The following GMPR2 variants were observed in gnomAD, a reference collection of about 807,000 sequenced individuals.
GMPR2 encodes the protein guanosine monophosphate reductase 2.
A neutral mutation model predicts 38.5 loss-of-function variants in GMPR2; 32 were observed. That is an observed-to-expected ratio of 0.83 (90% CI 0.63 to 1.12). GMPR2 has a LOEUF of 1.12. Ranked by LOEUF, GMPR2 falls within the 50% of genes most tolerant of loss-of-function variation. The pLI, the probability that GMPR2 is intolerant of heterozygous loss-of-function variation, is 0.00. For synonymous variants in GMPR2, 154 were observed against 151.0 expected (o/e 1.02, Z -0.15); for missense variants, 396 against 432.1 (o/e 0.92, Z 0.74).
intron 7 of GMPR2, 37 bp downstream of exon 7, chr14:24,237,388 T>G: frequency 6.7e-7 from 1 of 1,501,012 alleles, no homozygotes; most frequent in Non-Finnish European, 9.3e-7. Context: ...TGAGCGGGGT[T>G]TCTGCAGGGT....
rs750745089 is a variant in GMPR2 at position 24,233,469 on chromosome 14, A to C, written c.88-10A>C. 1 of 1,613,104 alleles carries C rather than the reference A, an allele frequency of 6.2e-7. No homozygotes were observed. Among genetic ancestry groups the C allele is most frequent in the South Asian group, 1.1e-5 (1 of 91,024 alleles). On this transcript the variant is annotated splice_polypyrimidine_tract_variant and intron_variant, in intron 2 of 9. Transcript: ENST00000399440. The stretch of plus-strand genomic sequence containing the variant: ...TAATGAAATGGTCAATTTCCTGTTC[A>C]TATCTGCAGGTGGATCTCACAAGAT...
At chr14:24,236,218 T>C in intron 5 of GMPR2, 78 bp downstream of exon 5, 1 of 981,018 alleles carries the variant, frequency 1.0e-6, no homozygotes, top group Admixed American at 1.9e-5. Context: ...AGTCCATTTC[T>C]CCTCTGCTGC....
chr14:24,237,251 T>C lies in GMPR2; in HGVS notation c.554T>C (p.Val185Ala), dbSNP rs2040390283. The C allele has an allele frequency of 1.9e-6, 3 of 1,602,792 alleles. No individual in the cohort carries two copies. Among genetic ancestry groups the C allele is most frequent in the Non-Finnish European group, 2.6e-6 (3 of 1,169,718 alleles). The part of the protein sequence containing the change: ...IIKVGIGPGS[V>A]CTTRKKTGVG... ...CTTATCATGTTCTTCCTAGGCTCTG[T>C]GTGTACTACTCGGAAGAAAACTGGA... Residue 185 changes from valine to alanine, a missense_variant, in exon 7 of 10, where the codon GTG becomes GCG. Coordinates refer to ENST00000399440, the MANE Select transcript of GMPR2 (RefSeq NM_001002002.3).
Position 24,234,176 on chromosome 14 carries a change from A to T in GMPR2, c.207+578A>T, listed in dbSNP as rs762869474. 3.1e-6 allele frequency: 4 copies of T among 1,289,002 alleles called. No individual in the cohort carries two copies. In the South Asian group the frequency reaches 3.7e-5, roughly 12 times the overall value. 79.8% of individuals were successfully genotyped at this position (1,289,002 alleles called of 1,614,324 possible). A position where few individuals can be genotyped will look rare whatever the true frequency, so the allele number is the denominator to read the frequency against. ...TGTTTTTCTTATATACAAGTTGTTC[A>T]CTTTGAAATGGAAGATGCTGCTCCT... On this transcript the variant is annotated intron_variant, in intron 3 of 9. Coordinates refer to ENST00000399440, the MANE Select transcript of GMPR2 (RefSeq NM_001002002.3).
At position 24,235,717 on chromosome 14, in the gene GMPR2, CTTCT is replaced by C. The variant is rs747621148; in HGVS notation, c.208-17_208-14del. On this transcript the variant is annotated splice_polypyrimidine_tract_variant and intron_variant, in intron 3 of 9. Coordinates refer to ENST00000399440, the MANE Select transcript of GMPR2 (RefSeq NM_001002002.3). The stretch of plus-strand genomic sequence containing the variant: ...TAATAAAGTTTTCTCCCTTTTGATG[CTTCT>C]TTGTCTTCTCCCCAGTTCTCTCTCT... 9.3e-5 allele frequency: 143 copies of C among 1,543,946 alleles called. No homozygotes were observed. The highest frequency in any genetic ancestry group is 1.7e-4 in the Middle Eastern group (1 of 5,956).
At chr14:24,237,689 T>A in intron 8 of GMPR2, 127 bp downstream of exon 8, 1 of 872,890 alleles carries the variant, frequency 1.1e-6, no homozygotes, top group Non-Finnish European at 1.9e-6. Context: ...AATTAGTGAC[T>A]CCGAAGTCTA....
chr14:24,235,665 A>G, intron 3 of GMPR2, 72 bp from the exon 4 acceptor site: 2 of 987,522 alleles, frequency 2.0e-6, no homozygotes, highest in Non-Finnish European at 3.3e-6. Context: ...CTCAGATAGA[A>G]TAGGTCTGTT....
chr14:24,237,066 C>T lies in GMPR2; in HGVS notation c.466-5C>T, dbSNP rs1662653879. 1 of 1,608,612 alleles carries T rather than the reference C, an allele frequency of 6.2e-7. No individual in the cohort carries two copies. The highest frequency in any genetic ancestry group is 8.5e-7 in the Non-Finnish European group (1 of 1,175,174). ...GGATGCTGTATTTCAATTGCTCTGTCTCAGGCAGGGAATGTGGTAACAGGA... is the reference window on the plus strand; with the variant it reads ...GGATGCTGTATTTCAATTGCTCTGTTTCAGGCAGGGAATGTGGTAACAGGA... On this transcript the variant is annotated splice_region_variant and splice_polypyrimidine_tract_variant and intron_variant, in intron 5 of 9. Coordinates refer to ENST00000399440, the MANE Select transcript of GMPR2 (RefSeq NM_001002002.3).
At position 24,238,773 on chromosome 14, in the gene GMPR2, T is replaced by G; in HGVS notation, c.1042T>G (p.Cys348Gly). 1 of 1,612,130 alleles carries G rather than the reference T, an allele frequency of 6.2e-7. No individual in the cohort carries two copies. Among genetic ancestry groups the G allele is most frequent in the Non-Finnish European group, 8.5e-7 (1 of 1,179,596 alleles). ...QQVNPIFSEA[C>G] The stretch of plus-strand genomic sequence containing the variant: ...GGTGAATCCAATCTTCAGTGAGGCG[T>G]GCTAGACCTGAGCAGTTCTACCCTC... Residue 348 changes from cysteine (C) to glycine (G), a missense_variant, in exon 10 of 10, where the codon TGC (cysteine) becomes GGC (glycine). By Grantham distance (159) the Cys-to-Gly change is radical. Transcript: ENST00000399440.
At position 24,238,835 on chromosome 14, in the gene GMPR2, T is replaced by C; in HGVS notation, c.*57T>C. ...GTACTCTACCATGGGGCATCCCAAG[T>C]GGGGTCCTCACCCATCCCAGCTACT... On this transcript the variant is annotated 3_prime_UTR_variant, in exon 10 of 10. Coordinates refer to ENST00000399440, the MANE Select transcript of GMPR2 (RefSeq NM_001002002.3). 1 of 1,471,960 alleles carries C rather than the reference T, an allele frequency of 6.8e-7. No homozygotes were observed. Among genetic ancestry groups the C allele is most frequent in the South Asian group, 1.1e-5 (1 of 87,418 alleles). The allele number at this position is 1,471,960 out of a possible 1,614,324, so 91.2% of individuals were successfully genotyped here.
intron 3 of GMPR2, chr14:24,235,313 A>C (rs536724940): frequency 1.7e-4 from 30 of 175,968 alleles, no homozygotes; most frequent in Admixed American, 4.6e-4. Context: ...TAAATGAACG[A>C]GAACATAACC....
chr14:24,239,045 A>C lies in GMPR2; in HGVS notation c.*267A>C. 1.8e-6 allele frequency: 1 copy of C among 558,124 alleles called. No individual in the cohort carries two copies. The highest frequency in any genetic ancestry group is 3.4e-6 in the Non-Finnish European group (1 of 293,648). 34.6% of individuals were successfully genotyped at this position (558,124 alleles called of 1,614,324 possible). A position where few individuals can be genotyped will look rare whatever the true frequency, so the allele number is the denominator to read the frequency against. On this transcript the variant is annotated 3_prime_UTR_variant, in exon 10 of 10. Coordinates refer to ENST00000399440, the MANE Select transcript of GMPR2 (RefSeq NM_001002002.3). ...TGGGAATCTGGGGACCCAACACAACATCCTGAAGATTATTAAAAGGAAAAG... is the reference window on the plus strand; with the variant it reads ...TGGGAATCTGGGGACCCAACACAACCTCCTGAAGATTATTAAAAGGAAAAG...
In GMPR2 at chr14:24,235,754, T is replaced by G. The variant is rs1566680140; in HGVS notation, c.225T>G (p.Ala75=). ...CTCCCCAGTTCTCTCTCTTCACTGC[T>G]GTCCATAAGCACTATAGCCTCGTTC... ...KVLCKFSLFT[A]VHKHYSLVQW... is the part of the protein sequence containing the mutation. Residue 75 remains alanine (A), a synonymous_variant, in exon 4 of 10, where the codon GCT becomes GCG. Transcript: ENST00000399440. 1 of 1,612,932 alleles carries G rather than the reference T, an allele frequency of 6.2e-7. No homozygotes were observed. Among genetic ancestry groups the G allele is most frequent in the Non-Finnish European group, 8.5e-7 (1 of 1,178,844 alleles).
rs1398654775 is a variant in GMPR2 at position 24,233,557 on chromosome 14, G to A, written c.166G>A (p.Asp56Asn). ...SGVPIIAANM[D>N]TVGTFEMAKV... ...GGTTCCCATCATTGCTGCCAATATGGATACTGTGGGCACCTTTGAGATGGC... is the reference window on the plus strand; with the variant it reads ...GGTTCCCATCATTGCTGCCAATATGAATACTGTGGGCACCTTTGAGATGGC... Residue 56 changes from aspartate (D) to asparagine (N), a missense_variant, in exon 3 of 10, where the codon GAT becomes AAT. By Grantham distance (23) the Asp-to-Asn change is conservative. Transcript: ENST00000399440. The A allele has an allele frequency of 6.2e-6, 10 of 1,613,934 alleles. No individual in the cohort carries two copies. In the South Asian group the frequency reaches 8.8e-5, roughly 14 times the overall value.
chr14:24,236,280 T>G, intron 5 of GMPR2, 140 bp downstream of exon 5: 1 of 708,808 alleles, frequency 1.4e-6, no homozygotes, highest in Non-Finnish European at 2.4e-6. Context: ...TTATCCATAG[T>G]TCTAAGCTGA....
chr14:24,233,716 G>A, intron 3 of GMPR2, 118 bp downstream of exon 3: 1 of 1,171,962 alleles, frequency 8.5e-7, no homozygotes, highest in Non-Finnish European at 1.3e-6. Context: ...CAGTCAGGAT[G>A]CTCTGATTTA....
At chr14:24,233,793 C>G (rs1475409187) in intron 3 of GMPR2, 195 bp downstream of exon 3, 1 of 657,692 alleles carries the variant, frequency 1.5e-6, no homozygotes, top group Non-Finnish European at 2.7e-6. Context: ...TAGTGAGATT[C>G]AAAGCTAAGT....
At chr14:24,236,853 CCACT>C in intron 5 of GMPR2, 1 of 501,006 alleles carries the variant, frequency 2.0e-6, no homozygotes, top group Non-Finnish European at 3.6e-6. Flanking sequence ...GTGACATTGG[CCACT>C]CACTCCTACC....
chr14:24,238,485 C>G, intron 9 of GMPR2, 80 bp downstream of exon 9: 1 of 1,613,966 alleles, frequency 6.2e-7, no homozygotes, highest in Non-Finnish European at 8.5e-7. Context: ...GTACAGTTCT[C>G]AGAGAAGCAT....
Sources: allele counts gnomAD v4.1 joint callset, GRCh38; gene constraint gnomAD v4.1.1; transcripts MANE v1.5; gene names NCBI Gene and HGNC (gene_info 2026-07-23, HGNC 2026-07-21).